The following DPH3 variants were observed in gnomAD, a reference collection of about 807,000 sequenced individuals.
The protein encoded by DPH3 is diphthamide biosynthesis 3, also known as diphthamide biosynthesis protein 3.
A neutral mutation model predicts 10.2 loss-of-function variants in DPH3; 8 were observed. The ratio of observed to expected loss-of-function variants is 0.79; its 90% CI spans 0.46 to 1.42. The LOEUF (loss-of-function observed/expected upper bound fraction) is 1.42, where lower values mean the gene tolerates loss of function less well. Ranked by LOEUF, DPH3 falls within the 40% of genes most tolerant of loss-of-function variation. DPH3 has a pLI of 0.00. For synonymous variants in DPH3, 35 were observed against 35.6 expected (o/e 0.98, Z 0.06); for missense variants, 96 against 98.9 (o/e 0.97, Z 0.12).
At position 16,262,801 on chromosome 3, in the gene DPH3, T is replaced by TCTA. The variant is rs1395836780; in HGVS notation, c.183+1353_183+1354insTAG. Reference sequence around the variant, plus strand: ...TTACATTCCCTCAATTGACAGTAACTCCATCCTCCCAGTTATTAAGGTCAC... The same window carrying TCTA: ...TTACATTCCCTCAATTGACAGTAACTCTACCATCCTCCCAGTTATTAAGGTCAC... On this transcript the variant is annotated intron_variant, in intron 2 of 2. Coordinates refer to ENST00000488423, the MANE Select transcript of DPH3 (RefSeq NM_206831.3). The surrounding 1 kb of genome is among the most constrained non-coding windows in gnomAD (Gnocchi z 4.7). Among the ~76,000 whole-genome samples the TCTA allele has an allele frequency of 2.0e-5, 3 of 152,170 alleles. No individual in the cohort carries two copies. The highest frequency in any genetic ancestry group is 7.2e-5 in the African/African-American group (3 of 41,420).
rs765924947 is a variant in DPH3 at position 16,261,784 on chromosome 3, G to T, written c.184-955C>A. ...GTTCTCAGAGTCCTAGTACCAGAGG[G>T]ATTGGAAGTGGGGCTAGTTCCTCCT... On this transcript the variant is annotated intron_variant, in intron 2 of 2. Transcript: ENST00000488423. The surrounding 1 kb of genome is among the most constrained non-coding windows in gnomAD (Gnocchi z 7.1). 4.6e-5 allele frequency among the ~76,000 whole-genome samples: 7 copies of T among 152,150 alleles called. No individual in the cohort carries two copies. The highest frequency in any genetic ancestry group is 7.2e-5 in the African/African-American group (3 of 41,438).
In DPH3 at chr3:16,260,822, A is replaced by G. The variant is rs1241382249; in HGVS notation, c.191T>C (p.Phe64Ser). Residue 64 changes from phenylalanine to serine, a missense_variant, in exon 3 of 3, where the codon TTT becomes TCT. Transcript: ENST00000488423. The stretch of plus-strand genomic sequence containing the variant: ...GGCTGGGACTGTTTCTCCACACACA[A>G]ACTGATCCTAAGACAGAGTGAGAAA... ...IIKVIYDKDQ[F>S]VCGETVPAPS... 2 of 1,613,820 alleles carry G rather than the reference A, an allele frequency of 1.2e-6. No homozygotes were observed. Among genetic ancestry groups the G allele is most frequent in the East Asian group, 2.2e-5 (1 of 44,870 alleles).
chr3:16,264,869 A>G lies in DPH3; in HGVS notation c.8T>C (p.Val3Ala), dbSNP rs1481306350. 6.2e-7 allele frequency: 1 copy of G among 1,614,202 alleles called. No individual in the cohort carries two copies. The highest frequency in any genetic ancestry group is 1.7e-5 in the Admixed American group (1 of 60,026). MA[V>A]FHDEVEIEDF... The stretch of plus-strand genomic sequence containing the variant: ...CTCGATTTCCACCTCGTCATGAAAC[A>G]CTGCCATGGTCAGCGGGGGTGGCCG... Residue 3 changes from valine to alanine, a missense_variant, in exon 1 of 3, where the codon GTG becomes GCG. Physicochemically the swap from Val to Ala is moderately conservative, Grantham distance 64. Coordinates refer to ENST00000488423, the MANE Select transcript of DPH3 (RefSeq NM_206831.3).
At position 16,264,758 on chromosome 3, in the gene DPH3, C is replaced by G; in HGVS notation, c.108+11G>C. ...GCTTGGGTGAACCGCCGGGCGGGACCCTGAAGTTACCTTGGTGATGGAGAA... is the reference window on the plus strand; with the variant it reads ...GCTTGGGTGAACCGCCGGGCGGGACGCTGAAGTTACCTTGGTGATGGAGAA... On this transcript the variant is annotated intron_variant, in intron 1 of 2. Coordinates refer to ENST00000488423, the MANE Select transcript of DPH3 (RefSeq NM_206831.3). 1 of 1,613,648 alleles carries G rather than the reference C, an allele frequency of 6.2e-7. No individual in the cohort carries two copies. The highest frequency in any genetic ancestry group is 1.7e-5 in the Admixed American group (1 of 59,990).
intron 1 of DPH3, 107 bp downstream of exon 1, chr3:16,264,662 A>C (rs2064366145): frequency 2.8e-6 from 3 of 1,072,920 alleles, no homozygotes; most frequent in Non-Finnish European, 4.1e-6. Context: ...AACGGGAAAG[A>C]GGGCGTGGGT....
rs1397233451 is a variant in DPH3, at chr3:16,257,221, GT to G, written c.*3542del. Among the ~76,000 whole-genome samples, 1 of 152,212 alleles carries G rather than the reference GT, an allele frequency of 6.6e-6. No individual in the cohort carries two copies. The highest frequency in any genetic ancestry group is 1.5e-5 in the Non-Finnish European group (1 of 68,034). On this transcript the variant is annotated 3_prime_UTR_variant, in exon 3 of 3. Coordinates refer to ENST00000488423, the MANE Select transcript of DPH3 (RefSeq NM_206831.3). ...GCACATGACAGGCATTAGCTGTCATGTTTTATAGATACTAGCTCATTTAATC... is the reference window on the plus strand; with the variant it reads ...GCACATGACAGGCATTAGCTGTCATGTTTATAGATACTAGCTCATTTAATC...
rs949809790 is a variant in DPH3 at position 16,257,784 on chromosome 3, AT to A, written c.*2979del. 1.3e-5 allele frequency among the ~76,000 whole-genome samples: 2 copies of A among 152,130 alleles called. No homozygotes were observed. The highest frequency in any genetic ancestry group is 6.5e-5 in the Admixed American group (1 of 15,278). On this transcript the variant is annotated 3_prime_UTR_variant, in exon 3 of 3. Transcript: ENST00000488423. The stretch of plus-strand genomic sequence containing the variant: ...TGTCTTACTACCACTTGACTCAGTT[AT>A]TTTTTTCCCAAACAATAGAAATCCA...
rs539501472 is a variant in DPH3 at position 16,264,816 on chromosome 3, T to A, written c.61A>T (p.Thr21Ser). The A allele has an allele frequency of 2.1e-5, 34 of 1,614,128 alleles. No individual in the cohort carries two copies. In the East Asian group the frequency reaches 2.5e-4, roughly 12 times the overall value. ...EDFQYDEDSE[T>S]YFYPCPCGDN... ...CCACATGGGCAGGGATAGAAATACG[T>A]CTCCGAGTCCTCGTCATATTGGAAG... The change falls in exon 1 of 3, where the codon ACG becomes TCG. Residue 21 changes from threonine (T) to serine (S), a missense_variant. By Grantham distance (58) the Thr-to-Ser change is moderately conservative. Coordinates refer to ENST00000488423, the MANE Select transcript of DPH3 (RefSeq NM_206831.3).
intron 1 of DPH3, 131 bp downstream of exon 1, chr3:16,264,638 G>A (rs1254528077): frequency 3.4e-6 from 3 of 870,184 alleles, no homozygotes; most frequent in Non-Finnish European, 3.6e-6. Flanking sequence ...GACGCGGGAG[G>A]AGGAAGATTC....
At position 16,264,930 on chromosome 3, in the gene DPH3, G is replaced by A; in HGVS notation, c.-54C>T. 1.3e-6 allele frequency: 2 copies of A among 1,597,232 alleles called. No homozygotes were observed. Among genetic ancestry groups the A allele is most frequent in the Non-Finnish European group, 8.6e-7 (1 of 1,167,534 alleles). On this transcript the variant is annotated 5_prime_UTR_variant, in exon 1 of 3. Coordinates refer to ENST00000488423, the MANE Select transcript of DPH3 (RefSeq NM_206831.3). ...GCCCCAGCAGTCCGAGGCCAGCTCC[G>A]AGGGTTTAACTTCGCCGGAACCGGC...
chr3:16,258,565 C>T lies in DPH3; in HGVS notation c.*2199G>A, dbSNP rs999834422. On this transcript the variant is annotated 3_prime_UTR_variant, in exon 3 of 3. Transcript: ENST00000488423. ...GCAGTGGTGTGATCACAGCTCACCACAGCCTCAAACTCCTGGGCCCAAGCA... is the reference window on the plus strand; with the variant it reads ...GCAGTGGTGTGATCACAGCTCACCATAGCCTCAAACTCCTGGGCCCAAGCA... 14 of 152,262 alleles carry T rather than the reference C, an allele frequency of 9.2e-5. No homozygotes were observed. Among genetic ancestry groups the T allele is most frequent in the African/African-American group, 3.4e-4 (14 of 41,454 alleles). The allele number at this position is 152,262 out of a possible 1,614,324, so 9.4% of individuals were successfully genotyped here. A position where few individuals can be genotyped will look rare whatever the true frequency, so the allele number is the denominator to read the frequency against.
Position 16,263,755 on chromosome 3 carries a change from A to G in DPH3, c.183+400T>C, listed in dbSNP as rs1040738007. Among the ~76,000 whole-genome samples the G allele has an allele frequency of 2.6e-5, 4 of 152,262 alleles. No homozygotes were observed. The highest frequency in any genetic ancestry group is 5.9e-5 in the Non-Finnish European group (4 of 68,040). Reference sequence around the variant, plus strand: ...CTAGGAATTATATCTCAAACAAGATAATGCAGAATTCTGTGTATAAGCCAG... The same window carrying G: ...CTAGGAATTATATCTCAAACAAGATGATGCAGAATTCTGTGTATAAGCCAG... On this transcript the variant is annotated intron_variant, in intron 2 of 2. Transcript: ENST00000488423. The surrounding 1 kb of genome is among the most constrained non-coding windows in gnomAD (Gnocchi z 4.0).
At position 16,258,027 on chromosome 3, in the gene DPH3, G is replaced by A. The variant is rs570719091; in HGVS notation, c.*2737C>T. ...TTAGCATGCAATGCAATTTATTCTG[G>A]CAATAAATTAATATGTGCAGTTATA... is the stretch of plus-strand genomic sequence containing the variant. On this transcript the variant is annotated 3_prime_UTR_variant, in exon 3 of 3. Coordinates refer to ENST00000488423, the MANE Select transcript of DPH3 (RefSeq NM_206831.3). The A allele has an allele frequency of 6.6e-6, 1 of 151,990 alleles. No homozygotes were observed. The highest frequency in any genetic ancestry group is 2.4e-5 in the African/African-American group (1 of 41,514). 9.4% of individuals were successfully genotyped at this position (151,990 alleles called of 1,614,324 possible).
Position 16,264,158 on chromosome 3 carries a change from G to T in DPH3, c.180C>A (p.Asp60Glu). ...GTTTTAAAATTATATCCCTTACTTTGTCATAAATCACTTTTATAATGAGAG... is the reference window on the plus strand; with the variant it reads ...GTTTTAAAATTATATCCCTTACTTTTTCATAAATCACTTTTATAATGAGAG... ...SCSLIIKVIY[D>E]KDQFVCGETV... The change falls in exon 2 of 3, where the codon GAC becomes GAA. Residue 60 changes from aspartate to glutamate, a missense_variant. Physicochemically the swap from Asp to Glu is conservative, Grantham distance 45. Transcript: ENST00000488423. 1.2e-6 allele frequency: 2 copies of T among 1,607,528 alleles called. No homozygotes were observed. The highest frequency in any genetic ancestry group is 1.7e-6 in the Non-Finnish European group (2 of 1,175,504).
chr3:16,264,609 G>T, intron 1 of DPH3, 160 bp downstream of exon 1: 3 of 706,280 alleles, frequency 4.2e-6, no homozygotes, highest in Non-Finnish European at 7.1e-6. Flanking sequence ...AGAGCTCAGG[G>T]CATTAGTTGG....
rs2064337004 is a variant in DPH3, at chr3:16,263,924, ACT to A, written c.183+229_183+230del. On this transcript the variant is annotated intron_variant, in intron 2 of 2. Transcript: ENST00000488423. The surrounding 1 kb of genome is among the most constrained non-coding windows in gnomAD (Gnocchi z 4.0). ...TTCTATTTAATAAATAATAATTTTC[ACT>A]AAAGCTAGATTTATCTCTAAAGCTA... Among the ~76,000 whole-genome samples, 1 of 152,252 alleles carries A rather than the reference ACT, an allele frequency of 6.6e-6. No homozygotes were observed. Among genetic ancestry groups the A allele is most frequent in the South Asian group, 2.1e-4 (1 of 4,836 alleles).
rs191424221 is a variant in DPH3 at position 16,262,220 on chromosome 3, T to G, written c.184-1391A>C. On this transcript the variant is annotated intron_variant, in intron 2 of 2. Coordinates refer to ENST00000488423, the MANE Select transcript of DPH3 (RefSeq NM_206831.3). The surrounding 1 kb of genome is among the most constrained non-coding windows in gnomAD (Gnocchi z 4.7). ...TTTGCAGCAAACTCCTTAAAAGAAA[T>G]GCCTATACTCACTGCCTTCTGTTCT... Among the ~76,000 whole-genome samples the G allele has an allele frequency of 8.1e-4, 124 of 152,350 alleles. No homozygotes were observed. Among genetic ancestry groups the G allele is most frequent in the Non-Finnish European group, 1.5e-3 (105 of 68,018 alleles).
chr3:16,264,305 T>C (rs867629591), intron 1 of DPH3, 76 bp from the exon 2 acceptor site: 12 of 1,189,130 alleles, frequency 1.0e-5, no homozygotes, highest in Non-Finnish European at 1.3e-5. Flanking sequence ...ATCCCACCCC[T>C]AGATGCAAGT....
chr3:16,264,803 G>T lies in DPH3; in HGVS notation c.74C>A (p.Pro25His). Residue 25 changes from proline to histidine, a missense_variant, in exon 1 of 3, where the codon CCC becomes CAC. Coordinates refer to ENST00000488423, the MANE Select transcript of DPH3 (RefSeq NM_206831.3). ...YDEDSETYFY[P>H]CPCGDNFSIT... ...GGAGAAGTTATCTCCACATGGGCAGGGATAGAAATACGTCTCCGAGTCCTC... is the reference window on the plus strand; with the variant it reads ...GGAGAAGTTATCTCCACATGGGCAGTGATAGAAATACGTCTCCGAGTCCTC... The T allele has an allele frequency of 6.2e-7, 1 of 1,614,208 alleles. No homozygotes were observed. Among genetic ancestry groups the T allele is most frequent in the Non-Finnish European group, 8.5e-7 (1 of 1,180,040 alleles).
Sources: allele counts gnomAD v4.1 joint callset (sites outside exome capture counted in the v4.1 genomes callset), GRCh38; gene constraint gnomAD v4.1.1; non-coding constraint Gnocchi (gnomAD v3.1); transcripts MANE v1.5; gene names NCBI Gene and HGNC (gene_info 2026-07-23, HGNC 2026-07-21).